The following BRCA2 variants were observed in gnomAD, a reference collection of about 807,000 sequenced individuals.
BRCA2 encodes the protein BRCA2 DNA repair associated, also known as breast cancer type 2 susceptibility protein.
In BRCA2, 203 loss-of-function variants were observed where a neutral mutation model predicts 276.7. The observed-to-expected ratio is 0.73, with a 90% CI of 0.65 to 0.82. The LOEUF (loss-of-function observed/expected upper bound fraction) is 0.82. BRCA2 is among the 40% of genes least tolerant of loss of function. BRCA2 has a pLI of 0.00. For synonymous variants in BRCA2, 1,289 were observed against 1,338.4 expected (o/e 0.96, Z 0.81); for missense variants, 3,920 against 3,915.0 (o/e 1.00, Z -0.03).
chr13:32,379,706 T>TA, intron 22 of BRCA2, 44 bp from the exon 23 acceptor site: 1 of 1,578,964 alleles, frequency 6.3e-7, no homozygotes, highest in South Asian at 1.1e-5. Flanking sequence ...ATTTAAATGA[T>TA]AATCACTTCT....
At chr13:32,394,959 C>A (rs2137654790) in intron 25 of BRCA2, 26 bp downstream of exon 25, 1 of 1,613,318 alleles carries the variant, frequency 6.2e-7, no homozygotes, top group South Asian at 1.1e-5. Flanking sequence ...AGCATCACCA[C>A]ACATTTTGGT....
intron 13 of BRCA2, among the ~76,000 whole-genome samples, chr13:32,348,532 C>G (rs552494916): frequency 6.6e-6 from 1 of 152,148 alleles, no homozygotes; most frequent in East Asian, 1.9e-4. Flanking sequence ...GACTGTAGAT[C>G]TTATATAATA....
intron 16 of BRCA2, among the ~76,000 whole-genome samples, chr13:32,359,975 G>A (rs2072728040): frequency 6.6e-6 from 1 of 152,180 alleles, no homozygotes; most frequent in Admixed American, 6.5e-5. Context: ...AAATATAAGT[G>A]AATTGTGTAG....
Position 32,346,812 on chromosome 13 carries a change from A to G in BRCA2, c.6938-15A>G, listed in dbSNP as rs587782358. On this transcript the variant is annotated splice_polypyrimidine_tract_variant and intron_variant, in intron 12 of 26. Coordinates refer to ENST00000380152, the MANE Select transcript of BRCA2 (RefSeq NM_000059.4). ...GATTTTAACTAATATGTAATATAAAATAATTGTTTCCTAGGCACAATAAAA... is the reference window on the plus strand; with the variant it reads ...GATTTTAACTAATATGTAATATAAAGTAATTGTTTCCTAGGCACAATAAAA... The G allele has an allele frequency of 1.3e-6, 2 of 1,589,214 alleles. No individual in the cohort carries two copies. Among genetic ancestry groups the G allele is most frequent in the South Asian group, 2.2e-5 (2 of 88,960 alleles).
At chr13:32,333,858 G>C (rs572534233) in intron 10 of BRCA2, among the ~76,000 whole-genome samples, 2 of 152,156 alleles carry the variant, frequency 1.3e-5, no homozygotes, top group African/African-American at 2.4e-5. Flanking sequence ...ACTTATGAGT[G>C]AGAACATGTG....
chr13:32,398,313 A>C lies in BRCA2; in HGVS notation c.9800A>C (p.Lys3267Thr). Residue 3267 changes from lysine to threonine, a missense_variant, in exon 27 of 27, where the codon AAG (lysine) becomes ACG (threonine). This residue lies in a region of BRCA2 where 657 missense variants were observed against 758.2 expected (regional missense o/e 0.87). Coordinates refer to ENST00000380152, the MANE Select transcript of BRCA2 (RefSeq NM_000059.4). ...KEIDDQKNCKKRRALDFLSRL... is the reference protein window; with the variant it reads ...KEIDDQKNCKTRRALDFLSRL... ...ATTGATGACCAAAAGAACTGCAAAAAGAGAAGAGCCTTGGATTTCTTGAGT... is the reference window on the plus strand; with the variant it reads ...ATTGATGACCAAAAGAACTGCAAAACGAGAAGAGCCTTGGATTTCTTGAGT... The C allele has an allele frequency of 6.2e-7, 1 of 1,614,216 alleles. No homozygotes were observed. Among genetic ancestry groups the C allele is most frequent in the Non-Finnish European group, 8.5e-7 (1 of 1,180,040 alleles).
In BRCA2 at chr13:32,399,141, A is replaced by AC; in HGVS notation, c.*371_*372insC. 1 of 238,282 alleles carries AC rather than the reference A, an allele frequency of 4.2e-6. No individual in the cohort carries two copies. The highest frequency in any genetic ancestry group is 2.2e-5 in the African/African-American group (1 of 44,808). 14.8% of individuals were successfully genotyped at this position (238,282 alleles called of 1,614,324 possible). On this transcript the variant is annotated 3_prime_UTR_variant, in exon 27 of 27. Transcript: ENST00000380152. ...CATAGGGAGACCCCCATCTTTACAA[A>AC]GAAAAAAAAAAGGGGAAAAGAAAAT... is the stretch of plus-strand genomic sequence containing the variant.
intron 24 of BRCA2, among the ~76,000 whole-genome samples, chr13:32,387,820 G>A (rs1440516600): frequency 2.0e-5 from 3 of 152,016 alleles, no homozygotes; most frequent in East Asian, 1.9e-4. Context: ...TCTCTGTTTC[G>A]GCTACCTAAA....
chr13:32,379,964 T>G, intron 23 of BRCA2, 43 bp from the exon 24 acceptor site: 1 of 1,613,328 alleles, frequency 6.2e-7, no homozygotes, highest in East Asian at 2.2e-5. Flanking sequence ...CTTGTTAGTT[T>G]ATGGAATCTC....
intron 3 of BRCA2, among the ~76,000 whole-genome samples, chr13:32,322,065 G>A: frequency 6.6e-6 from 1 of 152,060 alleles, no homozygotes. Flanking sequence ...TTGACAAATT[G>A]TATAATGTCG....
At position 32,334,294 on chromosome 13, in the gene BRCA2, CTTTAA is replaced by C. The variant is rs570189473; in HGVS notation, c.1909+913_1909+917del. 2.6e-3 allele frequency among the ~76,000 whole-genome samples: 399 copies of C among 152,200 alleles called. 3 individuals carry two copies. The highest frequency in any genetic ancestry group is 9.3e-3 in the African/African-American group (386 of 41,522). ...TCAGAGCTTGGCTAGCTAATTCCTG[CTTTAA>C]TTTAAAAAGTGTTTATTATATGCAA... On this transcript the variant is annotated intron_variant, in intron 10 of 26. Transcript: ENST00000380152.
chr13:32,323,374 T>C (rs2072320886), intron 3 of BRCA2, among the ~76,000 whole-genome samples: 1 of 152,038 alleles, frequency 6.6e-6, no homozygotes, highest in Non-Finnish European at 1.5e-5. Flanking sequence ...AGGATGGTCT[T>C]GATCTCCTGA....
chr13:32,357,628 A>T (rs1050417404), intron 15 of BRCA2, 114 bp from the exon 16 acceptor site: 2 of 992,726 alleles, frequency 2.0e-6, no homozygotes, highest in Non-Finnish European at 3.0e-6. Context: ...AGATTCTAGT[A>T]GTTAATGAAA....
chr13:32,368,235 T>A (rs1331436973), intron 18 of BRCA2, among the ~76,000 whole-genome samples: 1 of 151,890 alleles, frequency 6.6e-6, no homozygotes, highest in African/African-American at 2.4e-5. Context: ...TTGGCTACGC[T>A]GGTGTTGAAC....
At chr13:32,350,165 T>A (rs894260388) in intron 13 of BRCA2, among the ~76,000 whole-genome samples, 1 of 152,078 alleles carries the variant, frequency 6.6e-6, no homozygotes, top group African/African-American at 2.4e-5. Context: ...AGCCTTTTGG[T>A]CCCTCACTCT....
At chr13:32,322,705 T>A (rs533422943) in intron 3 of BRCA2, among the ~76,000 whole-genome samples, 2 of 152,364 alleles carry the variant, frequency 1.3e-5, no homozygotes, top group South Asian at 4.1e-4. Flanking sequence ...TGGCCAGTTT[T>A]GGGGCCAGTT....
intron 18 of BRCA2, among the ~76,000 whole-genome samples, chr13:32,366,520 A>C (rs1239981149): frequency 6.6e-6 from 1 of 152,210 alleles, no homozygotes; most frequent in African/African-American, 2.4e-5. Flanking sequence ...GATCTATATT[A>C]TCTTTAAAAA....
rs864622287 is a variant in BRCA2, at chr13:32,376,755, A to G, written c.8718A>G (p.Glu2906=). 1.2e-6 allele frequency: 2 copies of G among 1,614,198 alleles called. No homozygotes were observed. The highest frequency in any genetic ancestry group is 1.7e-6 in the Non-Finnish European group (2 of 1,180,032). The change falls in exon 21 of 27, where the codon GAA becomes GAG. Residue 2906 remains glutamate, a synonymous_variant. Transcript: ENST00000380152. The part of the protein sequence containing the change: ...RALQDGAELY[E]AVKNAADPAY... ...TGCAAGATGGTGCAGAGCTTTATGAAGCAGTGAAGAATGCAGCAGACCCAG... is the reference window on the plus strand; with the variant it reads ...TGCAAGATGGTGCAGAGCTTTATGAGGCAGTGAAGAATGCAGCAGACCCAG...
At chr13:32,365,931 A>G (rs944049208) in intron 18 of BRCA2, among the ~76,000 whole-genome samples, 1 of 150,626 alleles carries the variant, frequency 6.6e-6, no homozygotes, top group Non-Finnish European at 1.5e-5. Context: ...TTGTTCCTAT[A>G]ATTTTCTTGT....
Sources: allele counts gnomAD v4.1 joint callset (sites outside exome capture counted in the v4.1 genomes callset), GRCh38; gene constraint gnomAD v4.1.1; regional missense constraint gnomAD v4.1.1; transcripts MANE v1.5; gene names NCBI Gene and HGNC (gene_info 2026-07-23, HGNC 2026-07-21).